Variants in KAT14 observed in about 807,000 individuals in gnomAD.
KAT14 encodes cysteine-rich protein 2-binding protein.
KAT14 carries 66 observed loss-of-function variants against 78.4 expected under a neutral mutation model. The observed-to-expected ratio is 0.84, with a 90% confidence interval of 0.69 to 1.03. The LOEUF is 1.03. KAT14 is among the 50% of genes least tolerant of loss of function. KAT14 has a pLI of 0.00. For synonymous variants in KAT14, 344 were observed against 359.4 expected, an observed-to-expected ratio of 0.96 and a Z score of 0.48; for missense variants, 870 against 972.5, an observed-to-expected ratio of 0.89 and a Z score of 1.40.
intron 5 of KAT14, 131 bp downstream of exon 5, chr20:18,159,396 T>C: frequency 1.0e-6 from 1 of 961,646 alleles, no homozygotes; most frequent in Non-Finnish European, 1.5e-6. Flanking sequence ...TTAACACTTC[T>C]GTGATGACAC....
intron 1 of KAT14, 30 bp from the exon 2 acceptor site, chr20:18,142,178 G>A (rs974834930): frequency 1.8e-5 from 28 of 1,531,826 alleles, no homozygotes; most frequent in Non-Finnish European, 1.7e-5. Flanking sequence ...TGTTCGGGAT[G>A]TTACTGAAAT....
chr20:18,140,794 G>A (rs1179502976), intron 1 of KAT14, among the ~76,000 whole-genome samples: 2 of 146,136 alleles, frequency 1.4e-5, no homozygotes, highest in African/African-American at 5.1e-5. Context: ...TCTCCAGCCT[G>A]GGTGACAGAA....
rs543568656 is a variant in KAT14, at chr20:18,147,051, A to G, written c.378+1700A>G. Reference sequence around the variant, plus strand: ...GATCAACAAGATAATTACCCACAGCACTTTTTACTTTGAAGGAAATAGAGT... The same window carrying G: ...GATCAACAAGATAATTACCCACAGCGCTTTTTACTTTGAAGGAAATAGAGT... On this transcript the variant is annotated intron_variant, in intron 3 of 10. Coordinates refer to ENST00000688188, the MANE Select transcript of KAT14 (RefSeq NM_001392073.1). 7.2e-5 allele frequency among the ~76,000 whole-genome samples: 11 copies of G among 152,266 alleles called. No individual in the cohort carries two copies. In the East Asian group the frequency reaches 2.1e-3, roughly 29 times the overall value.
At chr20:18,164,833 C>T (rs534987996) in intron 7 of KAT14, among the ~76,000 whole-genome samples, 2 of 151,926 alleles carry the variant, frequency 1.3e-5, no homozygotes, top group East Asian at 1.9e-4. Flanking sequence ...TACTATCTTG[C>T]CCAGACTGAT....
At chr20:18,180,065 C>T (rs1473928927) in intron 7 of KAT14, among the ~76,000 whole-genome samples, 1 of 152,044 alleles carries the variant, frequency 6.6e-6, no homozygotes, top group Admixed American at 6.5e-5. Context: ...GACAGGGTTT[C>T]ACCATGTTGG....
At chr20:18,158,604 G>A (rs778903547) in intron 4 of KAT14, among the ~76,000 whole-genome samples, 38 of 152,208 alleles carry the variant, frequency 2.5e-4, no homozygotes, top group Non-Finnish European at 4.3e-4. Context: ...ATTGAGAGAT[G>A]TGTGCTACTC....
intron 7 of KAT14, among the ~76,000 whole-genome samples, chr20:18,163,989 A>G (rs2146440829): frequency 6.6e-6 from 1 of 152,354 alleles, no homozygotes; most frequent in South Asian, 2.1e-4. Context: ...ACAAAATCTC[A>G]TTCGGAACTC....
At chr20:18,144,810 C>CCCT (rs2037760988) in intron 2 of KAT14, among the ~76,000 whole-genome samples, 2 of 152,192 alleles carry the variant, frequency 1.3e-5, no homozygotes, top group African/African-American at 4.8e-5. Flanking sequence ...TTCTATGCAG[C>CCCT]CCTCAGGGAA....
upstream of KAT14, among the ~76,000 whole-genome samples, chr20:18,137,453 T>C (rs554281998): frequency 6.6e-6 from 1 of 152,316 alleles, no homozygotes; most frequent in Admixed American, 6.5e-5. Context: ...CGAGGCGGTC[T>C]CCTGGTGGCG....
At chr20:18,163,087 A>T (rs973067655) in intron 7 of KAT14, 142 bp downstream of exon 7, 1 of 1,113,886 alleles carries the variant, frequency 9.0e-7, no homozygotes, top group East Asian at 2.6e-5. Context: ...CAAGGGAAAA[A>T]AATACAAAAA....
chr20:18,164,691 A>C (rs1287885054), intron 7 of KAT14, among the ~76,000 whole-genome samples: 1 of 148,884 alleles, frequency 6.7e-6, no homozygotes, highest in Admixed American at 6.8e-5. Flanking sequence ...ACCACAGCTC[A>C]TTGCAGCCCC....
intron 3 of KAT14, among the ~76,000 whole-genome samples, chr20:18,150,598 T>C (rs915982270): frequency 2.0e-5 from 3 of 152,190 alleles, no homozygotes; most frequent in Non-Finnish European, 4.4e-5. Context: ...AAGGATTAGA[T>C]GCTTAGTTCT....
In KAT14 at chr20:18,162,953, C is replaced by G; in HGVS notation, c.1668+8C>G. On this transcript the variant is annotated splice_region_variant and intron_variant, in intron 7 of 10. Transcript: ENST00000688188. ...ATCCTTGACCGATACCAGGTGAATG[C>G]AAGCACTTGCTGTAAAGCCCTTGGG... 6.2e-7 allele frequency: 1 copy of G among 1,611,910 alleles called. No individual in the cohort carries two copies. The highest frequency in any genetic ancestry group is 8.5e-7 in the Non-Finnish European group (1 of 1,178,806).
intron 7 of KAT14, among the ~76,000 whole-genome samples, chr20:18,178,333 C>T (rs770978122): frequency 3.3e-5 from 5 of 152,092 alleles, no homozygotes; most frequent in South Asian, 2.1e-4. Flanking sequence ...CACGGGAATC[C>T]ACGGGAGTGA....
Position 18,162,029 on chromosome 20 carries a change from C to T in KAT14, c.889C>T (p.Arg297Cys), listed in dbSNP as rs1223792906. ...STPVKFISRG[R>C]RPDVILEKGE... Reference sequence around the variant, plus strand: ...CCCTGTAAAATTCATAAGCCGAGGCCGCAGGCCAGATGTGATTCTGGAAAA... The same window carrying T: ...CCCTGTAAAATTCATAAGCCGAGGCTGCAGGCCAGATGTGATTCTGGAAAA... Residue 297 changes from arginine to cysteine, a missense_variant, in exon 6 of 11, where the codon CGC becomes TGC. Coordinates refer to ENST00000688188, the MANE Select transcript of KAT14 (RefSeq NM_001392073.1). 4 of 1,614,104 alleles carry T rather than the reference C, an allele frequency of 2.5e-6. No homozygotes were observed. The highest frequency in any genetic ancestry group is 2.2e-5 in the East Asian group (1 of 44,898).
At chr20:18,162,970 G>T (rs529511785) in intron 7 of KAT14, 25 bp downstream of exon 7, 3 of 1,604,940 alleles carry the variant, frequency 1.9e-6, no homozygotes, top group Admixed American at 3.4e-5. Context: ...TTGCTGTAAA[G>T]CCCTTGGGGG....
intron 7 of KAT14, among the ~76,000 whole-genome samples, chr20:18,178,335 C>T (rs528302427): frequency 4.6e-5 from 7 of 152,168 alleles, no homozygotes; most frequent in Non-Finnish European, 5.9e-5. Context: ...CGGGAATCCA[C>T]GGGAGTGATA....
chr20:18,150,672 G>C lies in KAT14; in HGVS notation c.379-149G>C. On this transcript the variant is annotated intron_variant, in intron 3 of 10. Coordinates refer to ENST00000688188, the MANE Select transcript of KAT14 (RefSeq NM_001392073.1). ...TAAAAAAGGAAGTAAATTCTACCCT[G>C]GGAATATTCCAAGATACCGTCCGTC... is the stretch of plus-strand genomic sequence containing the variant. 11 of 1,303,564 alleles carry C rather than the reference G, an allele frequency of 8.4e-6. No individual in the cohort carries two copies. In the South Asian group the frequency reaches 1.3e-4, roughly 16 times the overall value. The allele number at this position is 1,303,564 out of a possible 1,614,324, so 80.7% of individuals were successfully genotyped here. A position where few individuals can be genotyped will look rare whatever the true frequency, so the allele number is the denominator to read the frequency against.
At position 18,187,993 on chromosome 20, in the gene KAT14, CT is replaced by C. The variant is rs2039499998; in HGVS notation, c.*537del. 6.5e-6 allele frequency: 1 copy of C among 154,830 alleles called. No individual in the cohort carries two copies. The highest frequency in any genetic ancestry group is 1.4e-5 in the Non-Finnish European group (1 of 69,746). The allele number at this position is 154,830 out of a possible 1,614,324, so 9.6% of individuals were successfully genotyped here. A position where few individuals can be genotyped will look rare whatever the true frequency, so the allele number is the denominator to read the frequency against. On this transcript the variant is annotated 3_prime_UTR_variant, in exon 11 of 11. Transcript: ENST00000688188. ...GAAGTTTTGTTGTTTCTTTTGCTGA[CT>C]TTGGTTACAGTCAGAAAAAATAAAC...
Sources: gnomAD v4.1 joint callset for allele counts (sites outside exome capture counted in the v4.1 genomes callset) on GRCh38, gnomAD v4.1.1 for gene constraint, MANE v1.5 for transcripts, NCBI Gene and HGNC (gene_info 2026-07-23, HGNC 2026-07-21) for gene names.